Variants in TPPP observed in about 807,000 individuals in gnomAD.
TPPP encodes tubulin polymerization promoting protein.
TPPP carries 6 observed loss-of-function variants against 15.5 expected under a neutral mutation model. That is an observed-to-expected ratio of 0.39 (90% CI 0.21 to 0.77). The LOEUF is 0.77. TPPP is among the 30% of genes least tolerant of loss of function. The probability of loss-of-function intolerance (pLI) is 0.42; values close to 1 mark genes in which losing one functional copy is unlikely to be tolerated. For synonymous variants in TPPP, 146 were observed against 133.9 expected (o/e 1.09, Z -0.63); for missense variants, 269 against 307.2 (o/e 0.88, Z 0.93).
At chr5:684,031 C>T (rs1740700303) in intron 1 of TPPP, among the ~76,000 whole-genome samples, 2 of 152,206 alleles carry the variant, frequency 1.3e-5, no homozygotes, top group African/African-American at 2.4e-5. Context: ...GTCATTAAAC[C>T]CCACTCCTGT....
chr5:675,333 G>GCA (rs1740381715), intron 2 of TPPP, among the ~76,000 whole-genome samples: 1 of 108,516 alleles, frequency 9.2e-6, no homozygotes, highest in Admixed American at 9.3e-5. Flanking sequence ...CGGGGGTGCA[G>GCA]TGTGGCTGGG....
chr5:677,623 G>A, intron 2 of TPPP, 127 bp downstream of exon 2: 1 of 849,224 alleles, frequency 1.2e-6, no homozygotes, highest in Non-Finnish European at 1.7e-6. Flanking sequence ...CTTCTGAGAA[G>A]GGCGGGGTCT....
At chr5:675,147 C>G (rs1740366729) in intron 2 of TPPP, among the ~76,000 whole-genome samples, 1 of 126,232 alleles carries the variant, frequency 7.9e-6, no homozygotes, top group Admixed American at 8.2e-5. Flanking sequence ...TGCAGTGTGG[C>G]CAGGGGTGCA....
chr5:678,343 G>C (rs368127684), intron 1 of TPPP, among the ~76,000 whole-genome samples: 29,948 of 105,112 alleles, frequency 0.28, 2,483 homozygotes, highest in African/African-American at 0.52. Flanking sequence ...CCAGCAGCAC[G>C]CAGAGCCCAG....
At chr5:673,147 G>C (rs1167131892) in intron 2 of TPPP, among the ~76,000 whole-genome samples, 2 of 150,626 alleles carry the variant, frequency 1.3e-5, no homozygotes, top group African/African-American at 5.0e-5. Flanking sequence ...TCCCCAAAAT[G>C]CAAAACAAAA....
intron 2 of TPPP, among the ~76,000 whole-genome samples, chr5:676,877 T>G (rs116438415): frequency 3.9e-5 from 5 of 127,628 alleles, no homozygotes; most frequent in Non-Finnish European, 7.8e-5. Context: ...CGCAGAAACA[T>G]GCACACACGA....
At chr5:681,010 C>T (rs1389584737) in intron 1 of TPPP, among the ~76,000 whole-genome samples, 5 of 152,170 alleles carry the variant, frequency 3.3e-5, no homozygotes, top group African/African-American at 1.2e-4. Flanking sequence ...CGTGCTGTTT[C>T]CACAATGACG....
intron 2 of TPPP, among the ~76,000 whole-genome samples, chr5:670,447 C>T (rs527521411): frequency 4.3e-4 from 65 of 152,232 alleles, no homozygotes; most frequent in Middle Eastern, 3.4e-3. Flanking sequence ...TGTACTTAGG[C>T]GAGTCTGAGA....
chr5:673,285 TA>T (rs1740286029), intron 2 of TPPP, among the ~76,000 whole-genome samples: 1 of 152,184 alleles, frequency 6.6e-6, no homozygotes, highest in Admixed American at 6.5e-5. Context: ...TGTGAGTTTT[TA>T]GGCCCCTTGC....
Position 680,291 on chromosome 5 carries a change from C to T in TPPP, c.-4-2227G>A, listed in dbSNP as rs1162680702. ...AAAGGAACAGGGGTCAGGCCATCGC[C>T]GGATCTACTGAAGACAGACACTGCC... On this transcript the variant is annotated intron_variant, in intron 1 of 3. Coordinates refer to ENST00000360578, the MANE Select transcript of TPPP (RefSeq NM_007030.3). Among the ~76,000 whole-genome samples the T allele has an allele frequency of 1.7e-4, 19 of 111,138 alleles. 1 individual carries two copies. The highest frequency in any genetic ancestry group is 1.8e-5 in the Non-Finnish European group (1 of 56,430). 72.9% of individuals were successfully genotyped at this position (111,138 alleles called of 152,430 possible).
chr5:669,878 G>A (rs924286046), intron 2 of TPPP, among the ~76,000 whole-genome samples: 10 of 152,140 alleles, frequency 6.6e-5, no homozygotes, highest in Non-Finnish European at 1.5e-5. Context: ...ACTCAGTCTG[G>A]CTGCCCGGCT....
chr5:681,667 C>T (rs1394626635), intron 1 of TPPP, among the ~76,000 whole-genome samples: 1 of 152,068 alleles, frequency 6.6e-6, no homozygotes. Flanking sequence ...CTGAGCCCAC[C>T]CCACTCCCAC....
intron 2 of TPPP, among the ~76,000 whole-genome samples, chr5:669,694 C>T (rs903428868): frequency 7.2e-5 from 11 of 152,052 alleles, no homozygotes; most frequent in African/African-American, 2.4e-4. Flanking sequence ...CCATCAGAGG[C>T]GACATTCAGA....
At position 663,097 on chromosome 5, in the gene TPPP, ATTCCGGTGGCCGCTC is replaced by A. The variant is rs1739730149; in HGVS notation, c.*1990_*2004del. ...ATGACTGCTTGTCTGTGATTGGGCG[ATTCCGGTGGCCGCTC>A]GTCTGTGATCGGGCGATTCCGGTGA... On this transcript the variant is annotated 3_prime_UTR_variant, in exon 4 of 4. Transcript: ENST00000360578. 2 of 148,092 alleles carry A rather than the reference ATTCCGGTGGCCGCTC, an allele frequency of 1.4e-5. No individual in the cohort carries two copies. The highest frequency in any genetic ancestry group is 1.3e-4 in the Admixed American group (2 of 15,000). 9.2% of individuals were successfully genotyped at this position (148,092 alleles called of 1,614,324 possible).
intron 1 of TPPP, among the ~76,000 whole-genome samples, chr5:688,456 G>C (rs62330321): frequency 0.52 from 75,047 of 144,128 alleles, 14,513 homozygotes; most frequent in Middle Eastern, 0.6. Context: ...TCTGGTTAAA[G>C]GTTAAAAACA....
intron 1 of TPPP, among the ~76,000 whole-genome samples, chr5:685,344 A>G (rs2126911010): frequency 6.6e-6 from 1 of 152,318 alleles, no homozygotes; most frequent in South Asian, 2.1e-4. Context: ...GGCAGGGTGG[A>G]GTCCTGTGGC....
At chr5:692,469 AG>A in intron 1 of TPPP, 1 of 349,944 alleles carries the variant, frequency 2.9e-6, no homozygotes, top group Non-Finnish European at 3.7e-6. Context: ...TCAAAACAGC[AG>A]CCCCCCAAAC....
At position 661,460 on chromosome 5, in the gene TPPP, CCT is replaced by C. The variant is rs1461777949; in HGVS notation, c.*3640_*3641del. ...CCTGTCCCTGTGTCCTGGTGTCACC[CCT>C]GACAGAACCTGTCCCTCTCTCCTGG... On this transcript the variant is annotated 3_prime_UTR_variant, in exon 4 of 4. Transcript: ENST00000360578. 1.3e-5 allele frequency: 2 copies of C among 152,374 alleles called. No individual in the cohort carries two copies. The highest frequency in any genetic ancestry group is 1.9e-4 in the East Asian group (1 of 5,340). The allele number at this position is 152,374 out of a possible 1,614,324, so 9.4% of individuals were successfully genotyped here. A position where few individuals can be genotyped will look rare whatever the true frequency, so the allele number is the denominator to read the frequency against.
In TPPP at chr5:671,631, A is replaced by C. The variant is rs532744412; in HGVS notation, c.312-5508T>G. ...TGGTGCTGCCCGGCCTGCAGGGTAC[A>C]GGAGCCACAGGCCTTGACTGTGAGG... On this transcript the variant is annotated intron_variant, in intron 2 of 3. Transcript: ENST00000360578. 2.1e-3 allele frequency among the ~76,000 whole-genome samples: 321 copies of C among 152,352 alleles called. 1 individual carries two copies. The highest frequency in any genetic ancestry group is 3.5e-3 in the Non-Finnish European group (239 of 68,026).
Sources: allele counts gnomAD v4.1 joint callset (sites outside exome capture counted in the v4.1 genomes callset), GRCh38; gene constraint gnomAD v4.1.1; transcripts MANE v1.5; gene names NCBI Gene and HGNC (gene_info 2026-07-23, HGNC 2026-07-21).